GALNT7: variants seen among roughly 807,000 people sequenced by gnomAD.
GALNT7 encodes the protein N-acetylgalactosaminyltransferase 7.
Under a neutral mutation model 82.1 loss-of-function variants are expected in GALNT7, and 60 were observed. The observed-to-expected ratio is 0.73, with a 90% CI of 0.59 to 0.91. The LOEUF (loss-of-function observed/expected upper bound fraction) is 0.91, where lower values mean the gene tolerates loss of function less well. GALNT7 is among the 40% of genes least tolerant of loss of function. The probability of loss-of-function intolerance (pLI) is 0.00; values close to 1 mark genes in which losing one functional copy is unlikely to be tolerated. For synonymous variants in GALNT7, 243 were observed against 275.1 expected (o/e 0.88, Z 1.15); for missense variants, 660 against 804.2 (o/e 0.82, Z 2.17).
chr4:173,227,984 GTCATGTGTTT>G lies in GALNT7; in HGVS notation c.127-19993_127-19984del, dbSNP rs772491404. Reference sequence around the variant, plus strand: ...TATGAGCCTCTTTTCAGCTGTGCTAGTCATGTGTTTTCTGTTTGTTCCTTAAATTATGTAA... The same window carrying G: ...TATGAGCCTCTTTTCAGCTGTGCTAGTCTGTTTGTTCCTTAAATTATGTAA... On this transcript the variant is annotated intron_variant, in intron 1 of 11. Coordinates refer to ENST00000265000, the MANE Select transcript of GALNT7 (RefSeq NM_017423.3). Among the ~76,000 whole-genome samples, 38 of 152,142 alleles carry G rather than the reference GTCATGTGTTT, an allele frequency of 2.5e-4. 1 individual carries two copies. Among genetic ancestry groups the G allele is most frequent in the Admixed American group, 1.2e-3 (19 of 15,286 alleles).
At chr4:173,252,822 G>A (rs1323699441) in intron 2 of GALNT7, among the ~76,000 whole-genome samples, 3 of 152,200 alleles carry the variant, frequency 2.0e-5, no homozygotes, top group Admixed American at 1.3e-4. Flanking sequence ...ATGCCATAAT[G>A]TAAGGCAGAA....
chr4:173,246,354 A>G (rs1734633909), intron 1 of GALNT7, among the ~76,000 whole-genome samples: 1 of 152,040 alleles, frequency 6.6e-6, no homozygotes, highest in Admixed American at 6.6e-5. Flanking sequence ...TTTTTTAATG[A>G]GTTAGTTAAA....
intron 1 of GALNT7, among the ~76,000 whole-genome samples, chr4:173,237,801 T>C (rs1001160829): frequency 2.0e-5 from 3 of 151,144 alleles, no homozygotes; most frequent in African/African-American, 7.3e-5. Flanking sequence ...CTCCAGGGAT[T>C]GATATTCGGA....
rs577394475 is a variant in GALNT7 at position 173,215,948 on chromosome 4, A to C, written c.127-32032A>C. On this transcript the variant is annotated intron_variant, in intron 1 of 11. Coordinates refer to ENST00000265000, the MANE Select transcript of GALNT7 (RefSeq NM_017423.3). Reference sequence around the variant, plus strand: ...ACATGGTGAAACCCCTTCTCTCTCTAAAAATAAAAAAATAAAAATAAAGAA... The same window carrying C: ...ACATGGTGAAACCCCTTCTCTCTCTCAAAATAAAAAAATAAAAATAAAGAA... Among the ~76,000 whole-genome samples, 17 of 152,198 alleles carry C rather than the reference A, an allele frequency of 1.1e-4. 1 individual carries two copies. The highest frequency in any genetic ancestry group is 2.2e-4 in the Non-Finnish European group (15 of 68,006).
intron 1 of GALNT7, among the ~76,000 whole-genome samples, chr4:173,202,219 C>T (rs890728843): frequency 1.3e-5 from 2 of 152,002 alleles, no homozygotes; most frequent in Non-Finnish European, 2.9e-5. Context: ...CTGGTTTATC[C>T]CCAGTGTCTG....
At chr4:173,223,500 A>G (rs1342597271) in intron 1 of GALNT7, among the ~76,000 whole-genome samples, 1 of 152,194 alleles carries the variant, frequency 6.6e-6, no homozygotes, top group Admixed American at 6.5e-5. Flanking sequence ...AATGAAAAAG[A>G]ACTGCACAAT....
rs11330284 is a variant in GALNT7, at chr4:173,214,802, A to ATT, written c.127-33164_127-33163dup. ...TTTTGCTTCCAAACTTATGACTTGG[A>ATT]TTTTTTTTTTTTTTTAATGCTCTTT... On this transcript the variant is annotated intron_variant, in intron 1 of 11. Coordinates refer to ENST00000265000, the MANE Select transcript of GALNT7 (RefSeq NM_017423.3). Among the ~76,000 whole-genome samples, 375 of 147,244 alleles carry ATT rather than the reference A, an allele frequency of 2.5e-3. 3 individuals are homozygous for ATT. Among genetic ancestry groups the ATT allele is most frequent in the Non-Finnish European group, 4.2e-3 (280 of 66,660 alleles).
intron 2 of GALNT7, among the ~76,000 whole-genome samples, chr4:173,272,217 C>CT (rs1318760281): frequency 2.0e-5 from 3 of 152,094 alleles, no homozygotes; most frequent in African/African-American, 7.2e-5. Flanking sequence ...CCATTTTTCT[C>CT]TTTTTTTGTC....
chr4:173,295,438 A>G lies in GALNT7; in HGVS notation c.797A>G (p.Asn266Ser), dbSNP rs1443516792. 6.3e-7 allele frequency: 1 copy of G among 1,590,200 alleles called. No individual in the cohort carries two copies. Among genetic ancestry groups the G allele is most frequent in the African/African-American group, 1.3e-5 (1 of 74,424 alleles). ...EKLDEYIKLW[N>S]GLVKVFRNER... Reference sequence around the variant, plus strand: ...CTGGATGAATATATTAAGCTGTGGAATGGCCTAGTGAAGGTATTTCGAAAT... The same window carrying G: ...CTGGATGAATATATTAAGCTGTGGAGTGGCCTAGTGAAGGTATTTCGAAAT... Residue 266 changes from asparagine (N) to serine (S), a missense_variant, in exon 4 of 12, where the codon AAT (asparagine) becomes AGT (serine). Physicochemically the swap from Asn to Ser is conservative, Grantham distance 46 (BLOSUM62 1). Around this residue, in one of 2 missense-constraint regions of GALNT7, gnomAD observed 527 missense variants for 683.5 expected, o/e 0.77. Coordinates refer to ENST00000265000, the MANE Select transcript of GALNT7 (RefSeq NM_017423.3).
chr4:173,305,875 C>A (rs1462663127), intron 8 of GALNT7, among the ~76,000 whole-genome samples: 1 of 151,990 alleles, frequency 6.6e-6, no homozygotes, highest in Non-Finnish European at 1.5e-5. Context: ...TTTAGCTATT[C>A]AGGGTTTTTT....
At chr4:173,299,622 G>A (rs1187692146) in intron 6 of GALNT7, among the ~76,000 whole-genome samples, 2 of 152,252 alleles carry the variant, frequency 1.3e-5, no homozygotes, top group Admixed American at 6.5e-5. Context: ...CGAGGCAGGC[G>A]GATCACCAGA....
chr4:173,248,162 C>T lies in GALNT7; in HGVS notation c.309C>T (p.Ser103=), dbSNP rs772508504. The T allele has an allele frequency of 1.2e-6, 2 of 1,613,698 alleles. No individual in the cohort carries two copies. Among genetic ancestry groups the T allele is most frequent in the African/African-American group, 1.3e-5 (1 of 74,878 alleles). Residue 103 remains serine, a synonymous_variant, in exon 2 of 12, where the codon TCC becomes TCT. Coordinates refer to ENST00000265000, the MANE Select transcript of GALNT7 (RefSeq NM_017423.3). ...NEQEHHAGGD[S]QKDIMQRQYL... ...AAGAGCACCATGCTGGAGGAGATTC[C>T]CAGAAAGATATCATGCAGAGGCAGT...
At chr4:173,255,602 C>G (rs921848576) in intron 2 of GALNT7, among the ~76,000 whole-genome samples, 7 of 152,066 alleles carry the variant, frequency 4.6e-5, no homozygotes, top group Admixed American at 2.6e-4. Context: ...TCAGGAAAAC[C>G]TTGACTCTTT....
chr4:173,314,463 C>A (rs1737517570), intron 9 of GALNT7, among the ~76,000 whole-genome samples: 1 of 152,316 alleles, frequency 6.6e-6, no homozygotes, highest in African/African-American at 2.4e-5. Flanking sequence ...CCTTCCTTAA[C>A]TAATTTCAAT....
intron 1 of GALNT7, among the ~76,000 whole-genome samples, chr4:173,211,364 T>C (rs1435921546): frequency 6.6e-6 from 1 of 152,216 alleles, no homozygotes; most frequent in Non-Finnish European, 1.5e-5. Flanking sequence ...GACAAGTACA[T>C]TTAATTAAAA....
chr4:173,282,433 C>T (rs945807763), intron 2 of GALNT7: 4 of 152,096 alleles, frequency 2.6e-5, no homozygotes, highest in Non-Finnish European at 4.4e-5. Flanking sequence ...TTGTTTTTGC[C>T]CATTGCTGTG....
chr4:173,235,578 C>CA (rs1367925772), intron 1 of GALNT7, among the ~76,000 whole-genome samples: 1 of 135,742 alleles, frequency 7.4e-6, no homozygotes, highest in African/African-American at 2.7e-5. Flanking sequence ...TTTCTTGAGA[C>CA]AGAGTCTTGC....
intron 1 of GALNT7, among the ~76,000 whole-genome samples, chr4:173,179,789 GAAAACAAAAC>G (rs567417431): frequency 0.012 from 1,868 of 152,108 alleles, 15 homozygotes; most frequent in Non-Finnish European, 0.023. Context: ...AGCCTAAATA[GAAAACAAAAC>G]AAAACAAAAG....
intron 1 of GALNT7, among the ~76,000 whole-genome samples, chr4:173,183,764 G>T (rs1230929845): frequency 6.6e-6 from 1 of 150,558 alleles, no homozygotes; most frequent in East Asian, 2.0e-4. Flanking sequence ...CGGACGGGGC[G>T]GCTGGCCTGG....
Sources: gnomAD v4.1 joint callset for allele counts (sites outside exome capture counted in the v4.1 genomes callset) on GRCh38, gnomAD v4.1.1 for gene constraint, gnomAD v4.1.1 regional missense constraint, MANE v1.5 for transcripts, NCBI Gene and HGNC (gene_info 2026-07-23, HGNC 2026-07-21) for gene names.